Variants in ZNF385D observed in about 807,000 individuals in gnomAD.
The protein encoded by ZNF385D is zinc finger protein 385D.
A neutral mutation model predicts 35.8 loss-of-function variants in ZNF385D; 15 were observed. That is an observed-to-expected ratio of 0.42 (90% CI 0.28 to 0.64). The LOEUF (loss-of-function observed/expected upper bound fraction) is 0.64. ZNF385D is among the 30% of genes least tolerant of loss of function. ZNF385D has a pLI of 0.23. For synonymous variants in ZNF385D, 212 were observed against 186.8 expected (o/e 1.13, Z -1.10); for missense variants, 474 against 494.6 (o/e 0.96, Z 0.39).
At chr3:21,736,651 T>A (rs7625853) in intron 1 of ZNF385D, among the ~76,000 whole-genome samples, 5 of 151,908 alleles carry the variant, frequency 3.3e-5, no homozygotes, top group East Asian at 1.9e-4. Context: ...CACCACTGCC[T>A]TTTTGAATAA....
chr3:21,576,322 A>T (rs7637584), intron 2 of ZNF385D, among the ~76,000 whole-genome samples: 103,516 of 152,044 alleles, frequency 0.68, 36,263 homozygotes, highest in African/African-American at 0.86. Flanking sequence ...AGTACTCAGG[A>T]CATGTAATTT....
chr3:21,540,130 T>G (rs541666040), intron 3 of ZNF385D, among the ~76,000 whole-genome samples: 124 of 152,320 alleles, frequency 8.1e-4, no homozygotes, highest in African/African-American at 3.0e-3. Context: ...TGCATTTAGT[T>G]AGAAGCTGGA....
intron 3 of ZNF385D, among the ~76,000 whole-genome samples, chr3:22,162,315 GCTGT>G (rs1706011478): frequency 6.6e-6 from 1 of 152,140 alleles, no homozygotes; most frequent in Non-Finnish European, 1.5e-5. Flanking sequence ...GCTTTGAAAA[GCTGT>G]CTTTTTGTGG....
chr3:21,720,049 C>G (rs1197393970), intron 1 of ZNF385D, among the ~76,000 whole-genome samples: 1 of 152,122 alleles, frequency 6.6e-6, no homozygotes, highest in Non-Finnish European at 1.5e-5. Flanking sequence ...CTAGAATCAT[C>G]TAGTGTGGGA....
intron 3 of ZNF385D, among the ~76,000 whole-genome samples, chr3:21,794,739 T>C (rs1247285088): frequency 6.6e-6 from 1 of 152,148 alleles, no homozygotes; most frequent in Non-Finnish European, 1.5e-5. Context: ...TTAAAGCTGC[T>C]GCTGCTTACA....
chr3:22,348,888 C>T (rs1695788491), intron 2 of ZNF385D, among the ~76,000 whole-genome samples: 1 of 152,102 alleles, frequency 6.6e-6, no homozygotes, highest in African/African-American at 2.4e-5. Flanking sequence ...GTTATGACAG[C>T]CCTGGCAAAC....
At chr3:22,179,930 A>G (rs1050968000) in intron 2 of ZNF385D, among the ~76,000 whole-genome samples, 1 of 152,112 alleles carries the variant, frequency 6.6e-6, no homozygotes, top group African/African-American at 2.4e-5. Context: ...AAGAAATAAC[A>G]AAGATCAGAG....
intron 2 of ZNF385D, among the ~76,000 whole-genome samples, chr3:22,362,788 G>A (rs1415772826): frequency 6.6e-6 from 1 of 152,040 alleles, no homozygotes; most frequent in African/African-American, 2.4e-5. Context: ...AAGGCAAATT[G>A]CAGAATATGT....
intron 2 of ZNF385D, among the ~76,000 whole-genome samples, chr3:21,632,981 CA>C (rs2065324442): frequency 6.6e-6 from 1 of 152,022 alleles, no homozygotes; most frequent in Non-Finnish European, 1.5e-5. Flanking sequence ...TACTCTAATA[CA>C]TTTACTTCGA....
At chr3:21,777,729 A>G (rs2071343003) in intron 3 of ZNF385D, 1 of 151,792 alleles carries the variant, frequency 6.6e-6, no homozygotes, top group Non-Finnish European at 1.5e-5. Context: ...TATTTCAACT[A>G]CTGCCTTATT....
intron 2 of ZNF385D, among the ~76,000 whole-genome samples, chr3:22,300,460 A>G (rs1318491054): frequency 6.6e-6 from 1 of 151,786 alleles, no homozygotes; most frequent in Non-Finnish European, 1.5e-5. Flanking sequence ...TCAAAGTAAA[A>G]TCTTCTGTAC....
intron 3 of ZNF385D, among the ~76,000 whole-genome samples, chr3:21,985,007 C>G (rs1038967863): frequency 2.6e-5 from 4 of 151,198 alleles, no homozygotes; most frequent in African/African-American, 9.7e-5. Context: ...GATTTTTGTA[C>G]ATTGATTTTG....
intron 2 of ZNF385D, among the ~76,000 whole-genome samples, chr3:22,193,040 C>T (rs1436235250): frequency 6.6e-6 from 1 of 152,178 alleles, no homozygotes; most frequent in Non-Finnish European, 1.5e-5. Flanking sequence ...CATATACTTA[C>T]ATTAATCTCA....
chr3:21,706,605 C>A (rs2067907807), intron 1 of ZNF385D, among the ~76,000 whole-genome samples: 1 of 152,130 alleles, frequency 6.6e-6, no homozygotes, highest in Non-Finnish European at 1.5e-5. Flanking sequence ...ATGCTACCAT[C>A]AGAAGTGATC....
At chr3:21,708,944 G>A (rs1418771539) in intron 1 of ZNF385D, among the ~76,000 whole-genome samples, 1 of 151,920 alleles carries the variant, frequency 6.6e-6, no homozygotes, top group Non-Finnish European at 1.5e-5. Context: ...ACTATCATAA[G>A]GCAGTTTCTC....
intron 3 of ZNF385D, among the ~76,000 whole-genome samples, chr3:22,066,456 T>G (rs1699957580): frequency 3.3e-5 from 3 of 90,522 alleles, no homozygotes; most frequent in Admixed American, 1.0e-4. Flanking sequence ...GGTGAGATGG[T>G]TCCCCGTGTG....
chr3:22,313,026 T>G (rs1393125443), intron 2 of ZNF385D, among the ~76,000 whole-genome samples: 2 of 151,694 alleles, frequency 1.3e-5, no homozygotes, highest in Non-Finnish European at 2.9e-5. Flanking sequence ...TAGACTGGAT[T>G]AAGAAAATGT....
intron 3 of ZNF385D, among the ~76,000 whole-genome samples, chr3:21,988,666 G>T (rs1042326826): frequency 1.1e-3 from 160 of 151,676 alleles, no homozygotes; most frequent in Middle Eastern, 3.4e-3. Flanking sequence ...ACAGAGGCAG[G>T]CAGGCCTCCT....
chr3:21,838,718 C>T, intron 3 of ZNF385D, among the ~76,000 whole-genome samples: 1 of 152,032 alleles, frequency 6.6e-6, no homozygotes. Flanking sequence ...ATGATCACAA[C>T]CCTGTCTCTT....
Sources: gnomAD v4.1 joint callset for allele counts (sites outside exome capture counted in the v4.1 genomes callset) on GRCh38, gnomAD v4.1.1 for gene constraint, MANE v1.5 for transcripts, NCBI Gene and HGNC (gene_info 2026-07-23, HGNC 2026-07-21) for gene names.